PPP2R5A: variants seen among roughly 807,000 people sequenced by gnomAD.
The protein encoded by PPP2R5A is protein phosphatase 2 regulatory subunit B'alpha.
Under a neutral mutation model 64.2 loss-of-function variants are expected in PPP2R5A, and 25 were observed. The observed-to-expected ratio is 0.39, with a 90% CI of 0.28 to 0.54. The LOEUF is 0.54. Among genes scored for constraint, PPP2R5A ranks in the 20% least tolerant of loss-of-function variants. PPP2R5A has a pLI of 0.67. For synonymous variants in PPP2R5A, 198 were observed against 201.2 expected, an observed-to-expected ratio of 0.98 and a Z score of 0.13; for missense variants, 425 against 576.3, an observed-to-expected ratio of 0.74 and a Z score of 2.69.
At chr1:212,327,506 C>A (rs1659426318) in intron 1 of PPP2R5A, among the ~76,000 whole-genome samples, 1 of 152,076 alleles carries the variant, frequency 6.6e-6, no homozygotes, top group Non-Finnish European at 1.5e-5. Flanking sequence ...CCCCCACCTC[C>A]TGCGTTCCAG....
chr1:212,309,620 G>A (rs1043386291), intron 1 of PPP2R5A: 1 of 584,078 alleles, frequency 1.7e-6, no homozygotes, highest in South Asian at 2.0e-5. Context: ...CCAACATACG[G>A]TCACTCTCAC....
chr1:212,337,293 C>T (rs1359358174), intron 3 of PPP2R5A, among the ~76,000 whole-genome samples: 1 of 152,118 alleles, frequency 6.6e-6, no homozygotes, highest in African/African-American at 2.4e-5. Flanking sequence ...CACTTGGCTG[C>T]TGTACTAGCC....
intron 2 of PPP2R5A, chr1:212,331,656 AT>A (rs1659507908): frequency 6.6e-6 from 1 of 152,122 alleles, no homozygotes; most frequent in Non-Finnish European, 1.5e-5. Flanking sequence ...ACTGTTACTG[AT>A]TTCAAATGGC....
At chr1:212,357,419 A>G in intron 11 of PPP2R5A, 135 bp downstream of exon 11, 3 of 802,242 alleles carry the variant, frequency 3.7e-6, no homozygotes, top group Admixed American at 3.7e-5. Flanking sequence ...GTTGTATTCT[A>G]TTCTGTATTT....
chr1:212,297,096 CTTTTTTTTTTTTTTTTTTTTTTTTTTTTT>C (rs869112186), intron 1 of PPP2R5A, among the ~76,000 whole-genome samples: 3 of 82,646 alleles, frequency 3.6e-5, no homozygotes, highest in East Asian at 3.7e-4. Flanking sequence ...TTTGCTTCTT[CTTTTTTTTTTTTTTTTTTTTTTTTTTTTT>C]TTTTTTTTTT....
rs901867273 is a variant in PPP2R5A at position 212,309,138 on chromosome 1, CAG to C, written c.182-19996_182-19995del. Reference sequence around the variant, plus strand: ...CCTTCTTCTCTCCATCAGGCCGAATCAGGGTGTTGACCTTGGCCACATTGGTG... The same window carrying C: ...CCTTCTTCTCTCCATCAGGCCGAATCGGTGTTGACCTTGGCCACATTGGTG... On this transcript the variant is annotated intron_variant, in intron 1 of 12. Coordinates refer to ENST00000261461, the MANE Select transcript of PPP2R5A (RefSeq NM_006243.4). 8 of 1,099,938 alleles carry C rather than the reference CAG, an allele frequency of 7.3e-6. No homozygotes were observed. In the African/African-American group the frequency reaches 1.2e-4, roughly 17 times the overall value. The allele number at this position is 1,099,938 out of a possible 1,614,324, so 68.1% of individuals were successfully genotyped here. A position where few individuals can be genotyped will look rare whatever the true frequency, so the allele number is the denominator to read the frequency against.
intron 1 of PPP2R5A, among the ~76,000 whole-genome samples, chr1:212,324,464 T>C (rs753628942): frequency 6.6e-6 from 1 of 152,220 alleles, no homozygotes; most frequent in Non-Finnish European, 1.5e-5. Flanking sequence ...ACAGGCTACT[T>C]AGCCTGTAGT....
chr1:212,344,725 GACTTTA>G (rs1241754295), intron 4 of PPP2R5A, among the ~76,000 whole-genome samples: 1 of 151,992 alleles, frequency 6.6e-6, no homozygotes, highest in Non-Finnish European at 1.5e-5. Flanking sequence ...TTGAGATTTT[GACTTTA>G]ACTTTTTCTA....
Position 212,361,790 on chromosome 1 carries a change from C to CTGTT in PPP2R5A, c.*1022_*1025dup, listed in dbSNP as rs1553277871. On this transcript the variant is annotated 3_prime_UTR_variant, in exon 13 of 13. Coordinates refer to ENST00000261461, the MANE Select transcript of PPP2R5A (RefSeq NM_006243.4). ...TCTTAACTTGCAGTTGTGTGGAAAA[C>CTGTT]TGTTTTGTAATGAAAGATCTTCATT... is the stretch of plus-strand genomic sequence containing the variant. 3.3e-5 allele frequency: 5 copies of CTGTT among 152,620 alleles called. No individual in the cohort carries two copies. The highest frequency in any genetic ancestry group is 4.8e-5 in the African/African-American group (2 of 41,446). The allele number at this position is 152,620 out of a possible 1,614,324, so 9.5% of individuals were successfully genotyped here.
At chr1:212,302,158 G>C (rs142855371) in intron 1 of PPP2R5A, 3 of 1,388,190 alleles carry the variant, frequency 2.2e-6, no homozygotes, top group Admixed American at 2.0e-5. Context: ...AATGAATAGA[G>C]ACTAGATTTT....
At chr1:212,312,103 T>TTTA (rs1345044398) in intron 1 of PPP2R5A, among the ~76,000 whole-genome samples, 2 of 152,228 alleles carry the variant, frequency 1.3e-5, no homozygotes, top group African/African-American at 2.4e-5. Context: ...TTTTAAATCT[T>TTTA]TTATACCATA....
Position 212,291,612 on chromosome 1 carries a change from A to C in PPP2R5A, c.181+5321A>C, listed in dbSNP as rs188773107. On this transcript the variant is annotated intron_variant, in intron 1 of 12. Transcript: ENST00000261461. ...CTTCGTCCTTTTCTCTCTGATACTC[A>C]TGGTTCATTACCCAGCCTATTAACA... Among the ~76,000 whole-genome samples the C allele has an allele frequency of 3.7e-4, 56 of 152,224 alleles. 1 individual carries two copies. In the East Asian group the frequency reaches 8.5e-3, roughly 23 times the overall value.
chr1:212,344,756 A>C (rs1659744357), intron 4 of PPP2R5A, among the ~76,000 whole-genome samples: 1 of 152,174 alleles, frequency 6.6e-6, no homozygotes, highest in Non-Finnish European at 1.5e-5. Flanking sequence ...CTCTTCTCTC[A>C]GGTTTTGCTG....
chr1:212,286,045 C>A lies in PPP2R5A; in HGVS notation c.-66C>A. On this transcript the variant is annotated 5_prime_UTR_variant, in exon 1 of 13. Coordinates refer to ENST00000261461, the MANE Select transcript of PPP2R5A (RefSeq NM_006243.4). ...CGCGCCTCTCCCCCGCCTCCTCCTG[C>A]CGTCTCCGCCGCTGCCCGTGCCTTG... The A allele has an allele frequency of 7.0e-7, 1 of 1,433,038 alleles. No homozygotes were observed. The highest frequency in any genetic ancestry group is 9.1e-7 in the Non-Finnish European group (1 of 1,095,792). 88.8% of individuals were successfully genotyped at this position (1,433,038 alleles called of 1,614,324 possible).
chr1:212,294,657 CAA>C (rs1491535801), intron 1 of PPP2R5A, among the ~76,000 whole-genome samples: 1 of 150,360 alleles, frequency 6.7e-6, no homozygotes, highest in East Asian at 1.9e-4. Flanking sequence ...AAAGTGAAAA[CAA>C]TGAATGCTTT....
At chr1:212,349,387 A>G in intron 8 of PPP2R5A, 145 bp downstream of exon 8, 1 of 600,612 alleles carries the variant, frequency 1.7e-6, no homozygotes, top group Non-Finnish European at 2.6e-6. Flanking sequence ...AGATTAATCT[A>G]CATTAAAAGA....
intron 1 of PPP2R5A, among the ~76,000 whole-genome samples, chr1:212,321,838 G>C (rs1014642220): frequency 3.3e-5 from 5 of 151,046 alleles, no homozygotes; most frequent in African/African-American, 1.2e-4. Context: ...AAGGCAGGCA[G>C]CTGGGAGGTG....
At chr1:212,350,649 G>C (rs915282493) in intron 8 of PPP2R5A, among the ~76,000 whole-genome samples, 3 of 145,702 alleles carry the variant, frequency 2.1e-5, no homozygotes, top group East Asian at 2.0e-4. Context: ...GTGAGACTCT[G>C]TCTTCAAAAA....
At chr1:212,329,794 C>T (rs1248831184) in intron 2 of PPP2R5A, among the ~76,000 whole-genome samples, 3 of 152,112 alleles carry the variant, frequency 2.0e-5, no homozygotes, top group Admixed American at 6.5e-5. Flanking sequence ...TACAGGTGCC[C>T]ACGACCACGC....
Sources: allele counts gnomAD v4.1 joint callset (sites outside exome capture counted in the v4.1 genomes callset), GRCh38; gene constraint gnomAD v4.1.1; transcripts MANE v1.5; gene names NCBI Gene and HGNC (gene_info 2026-07-23, HGNC 2026-07-21).